Variants in PTPRM observed in about 807,000 individuals in gnomAD.
PTPRM encodes the protein receptor-type tyrosine-protein phosphatase mu.
Under a neutral mutation model 186.7 loss-of-function variants are expected in PTPRM, and 47 were observed. The observed-to-expected ratio is 0.25, with a 90% CI of 0.20 to 0.32. The LOEUF (loss-of-function observed/expected upper bound fraction) is 0.32. Among genes scored for constraint, PTPRM ranks in the 10% least tolerant of loss-of-function variants. The pLI, the probability that PTPRM is intolerant of heterozygous loss-of-function variation, is 1.00. For missense variants in PTPRM, 1,494 were observed against 1,865.0 expected, an observed-to-expected ratio of 0.80 and a Z score of 3.66; for synonymous variants, 668 against 674.9, an observed-to-expected ratio of 0.99 and a Z score of 0.16.
intron 2 of PTPRM, among the ~76,000 whole-genome samples, chr18:7,838,737 C>T (rs8095400): frequency 0.57 from 86,696 of 152,120 alleles, 25,380 homozygotes; most frequent in East Asian, 0.8. Flanking sequence ...GTCAGGCCTG[C>T]CTCCTTCCCT....
At chr18:7,875,776 A>G (rs942173062) in intron 2 of PTPRM, among the ~76,000 whole-genome samples, 1 of 152,158 alleles carries the variant, frequency 6.6e-6, no homozygotes, top group Non-Finnish European at 1.5e-5. Context: ...TATACCTGTA[A>G]TAAAGTCATG....
At chr18:7,654,533 C>T (rs77969865) in intron 1 of PTPRM, among the ~76,000 whole-genome samples, 2,611 of 152,202 alleles carry the variant, frequency 0.017, 80 homozygotes, top group African/African-American at 0.059. Flanking sequence ...TTGCCTTTTC[C>T]TATGTCCAGA....
intron 6 of PTPRM, among the ~76,000 whole-genome samples, chr18:7,950,479 G>C (rs9956981): frequency 6.6e-6 from 1 of 152,006 alleles, no homozygotes; most frequent in African/African-American, 2.4e-5. Flanking sequence ...AAGATAGGCA[G>C]CTTTAAAGAT....
rs367643232 is a variant in PTPRM, at chr18:8,185,224, A to G, written c.2300+41445A>G. On this transcript the variant is annotated intron_variant, in intron 14 of 32. Coordinates refer to ENST00000580170, the MANE Select transcript of PTPRM (RefSeq NM_001105244.2). ...TGCCAAATACTTTCAAAATTTGTAC[A>G]TGACCATCCAGACATCCATCTCTCC... 3.3e-4 allele frequency among the ~76,000 whole-genome samples: 51 copies of G among 152,306 alleles called. No homozygotes were observed. In the East Asian group the frequency reaches 7.3e-3, roughly 22 times the overall value.
At chr18:7,638,638 AAT>A (rs1339461047) in intron 1 of PTPRM, among the ~76,000 whole-genome samples, 13 of 152,244 alleles carry the variant, frequency 8.5e-5, no homozygotes, top group Admixed American at 7.8e-4. Context: ...ACTACATCAC[AAT>A]ATTAAGTTCT....
chr18:8,306,255 TG>T (rs1243545965), intron 20 of PTPRM, among the ~76,000 whole-genome samples: 4 of 152,198 alleles, frequency 2.6e-5, no homozygotes, highest in Non-Finnish European at 5.9e-5. Flanking sequence ...GATAATACTA[TG>T]CATTATCTTA....
chr18:7,745,590 A>G (rs1321922666), intron 1 of PTPRM, among the ~76,000 whole-genome samples: 1 of 152,196 alleles, frequency 6.6e-6, no homozygotes, highest in South Asian at 2.1e-4. Flanking sequence ...TTGACTCATC[A>G]CAATTACTGA....
At chr18:7,659,254 G>A (rs1430862349) in intron 1 of PTPRM, among the ~76,000 whole-genome samples, 1 of 151,876 alleles carries the variant, frequency 6.6e-6, no homozygotes, top group Non-Finnish European at 1.5e-5. Context: ...TAGTATGTGA[G>A]TCCATGAATT....
intron 5 of PTPRM, among the ~76,000 whole-genome samples, chr18:7,943,394 G>A (rs539649234): frequency 2.6e-5 from 4 of 152,070 alleles, no homozygotes; most frequent in African/African-American, 9.7e-5. Context: ...ATTCCAAAGT[G>A]GGGTACTCTA....
chr18:7,878,376 T>A (rs1039922570), intron 2 of PTPRM, among the ~76,000 whole-genome samples: 10 of 152,214 alleles, frequency 6.6e-5, no homozygotes, highest in African/African-American at 2.4e-4. Flanking sequence ...TCCTTCTTTC[T>A]GCCTTCTGAT....
Position 8,134,338 on chromosome 18 carries a change from C to T in PTPRM, c.2168-9309C>T, listed in dbSNP as rs1471114879. ...CAGTAAAGGCTTGTCAAATGCCCAC[C>T]GTGTTAAAGAGACTGTTAATCACTA... On this transcript the variant is annotated intron_variant, in intron 13 of 32. Transcript: ENST00000580170. 2.0e-5 allele frequency among the ~76,000 whole-genome samples: 3 copies of T among 152,252 alleles called. No individual in the cohort carries two copies. The South Asian group carries it at 6.2e-4, about 32-fold the overall frequency.
At chr18:7,750,583 C>G (rs17556324) in intron 1 of PTPRM, among the ~76,000 whole-genome samples, 66,716 of 152,022 alleles carry the variant, frequency 0.44, 15,546 homozygotes, top group East Asian at 0.86. Flanking sequence ...GACCCTCCAA[C>G]GCTCCAAAAT....
chr18:7,879,048 A>C (rs1339671170), intron 2 of PTPRM, among the ~76,000 whole-genome samples: 1 of 152,230 alleles, frequency 6.6e-6, no homozygotes, highest in Non-Finnish European at 1.5e-5. Context: ...TTTTTTACTT[A>C]TAAATTACAA....
intron 7 of PTPRM, among the ~76,000 whole-genome samples, chr18:8,031,980 A>G (rs985333791): frequency 1.3e-5 from 2 of 152,216 alleles, no homozygotes; most frequent in Non-Finnish European, 2.9e-5. Flanking sequence ...GTTATTCAGT[A>G]TTAGGGAACT....
chr18:7,582,682 AAG>A (rs2036876861), intron 1 of PTPRM, among the ~76,000 whole-genome samples: 1 of 152,188 alleles, frequency 6.6e-6, no homozygotes, highest in Non-Finnish European at 1.5e-5. Flanking sequence ...GCATGGGAAA[AAG>A]AAAAGTTTAG....
chr18:8,000,563 T>A (rs769569110), intron 7 of PTPRM, among the ~76,000 whole-genome samples: 1 of 152,178 alleles, frequency 6.6e-6, no homozygotes, highest in African/African-American at 2.4e-5. Context: ...AGAGAGGTGC[T>A]TAGTTAAGCA....
intron 1 of PTPRM, among the ~76,000 whole-genome samples, chr18:7,585,520 G>T (rs969166648): frequency 2.0e-5 from 3 of 152,188 alleles, no homozygotes; most frequent in Non-Finnish European, 4.4e-5. Context: ...TTGGCCAGAG[G>T]TTGGAAAAGT....
At chr18:7,579,587 C>G (rs1480749397) in intron 1 of PTPRM, among the ~76,000 whole-genome samples, 1 of 152,198 alleles carries the variant, frequency 6.6e-6, no homozygotes, top group Non-Finnish European at 1.5e-5. Flanking sequence ...TCGTATATAT[C>G]TTGCAACTTG....
chr18:7,741,755 G>A (rs1488293667), intron 1 of PTPRM: 2 of 152,182 alleles, frequency 1.3e-5, no homozygotes, highest in Non-Finnish European at 2.9e-5. Context: ...GTTCTGTTCT[G>A]GAGGAAACCA....
Sources: gnomAD v4.1 joint callset for allele counts (sites outside exome capture counted in the v4.1 genomes callset) on GRCh38, gnomAD v4.1.1 for gene constraint, MANE v1.5 for transcripts, NCBI Gene and HGNC (gene_info 2026-07-23, HGNC 2026-07-21) for gene names.